The following UNC119 variants were observed in gnomAD, a reference collection of about 807,000 sequenced individuals.
UNC119 encodes unc-119 lipid binding chaperone.
In UNC119, 15 loss-of-function variants were observed where a neutral mutation model predicts 22.6. The observed-to-expected ratio is 0.66, with a 90% CI of 0.44 to 1.02. UNC119 has a LOEUF of 1.02. Ranked by LOEUF, UNC119 falls within the 50% of genes least tolerant of loss-of-function variation. The pLI is 0.00. For synonymous variants in UNC119, 138 were observed against 139.4 expected, an observed-to-expected ratio of 0.99 and a Z score of 0.07; for missense variants, 322 against 336.0, an observed-to-expected ratio of 0.96 and a Z score of 0.33.
At chr17:28,547,975 A>C in intron 3 of UNC119, 24 bp downstream of exon 3, 1 of 1,613,366 alleles carries the variant, frequency 6.2e-7, no homozygotes, top group Non-Finnish European at 8.5e-7. Context: ...CACCCCCACC[A>C]CCACCCATAG....
At chr17:28,547,968 C>G (rs1346193352) in intron 3 of UNC119, 31 bp downstream of exon 3, 1 of 1,613,640 alleles carries the variant, frequency 6.2e-7, no homozygotes, top group Non-Finnish European at 8.5e-7. Flanking sequence ...TCTCCCTCAC[C>G]CCCACCACCA....
rs1214102456 is a variant in UNC119 at position 28,547,046 on chromosome 17, G to A, written c.*251C>T. 1.9e-5 allele frequency: 9 copies of A among 485,024 alleles called. No homozygotes were observed. The highest frequency in any genetic ancestry group is 3.0e-5 in the Non-Finnish European group (8 of 263,268). 30.0% of individuals were successfully genotyped at this position (485,024 alleles called of 1,614,324 possible). ...GCTAAGTTGTCCGGAAGTCCTGACT[G>A]CTCCTCTCACAGGCCTTCCTAGACG... is the stretch of plus-strand genomic sequence containing the variant. On this transcript the variant is annotated 3_prime_UTR_variant, in exon 5 of 5. Transcript: ENST00000335765.
chr17:28,550,163 T>C (rs2070255400), intron 1 of UNC119: 1 of 152,078 alleles, frequency 6.6e-6, no homozygotes, highest in South Asian at 2.1e-4. Flanking sequence ...GGGGAGAGAA[T>C]GGAAGTGGGC....
At chr17:28,548,518 C>A in intron 2 of UNC119, 74 bp downstream of exon 2, 1 of 1,310,616 alleles carries the variant, frequency 7.6e-7, no homozygotes, top group Non-Finnish European at 1.1e-6. Context: ...CCTCTGTGGC[C>A]CAAGGATTCC....
chr17:28,547,593 C>G, intron 4 of UNC119, 84 bp downstream of exon 4: 1 of 1,611,920 alleles, frequency 6.2e-7, no homozygotes, highest in Non-Finnish European at 8.5e-7. Flanking sequence ...GAAATGGGAT[C>G]AGACCCACAA....
chr17:28,552,041 G>T, intron 1 of UNC119: 1 of 611,150 alleles, frequency 1.6e-6, no homozygotes, highest in Non-Finnish European at 3.1e-6. Flanking sequence ...ACAGGGCTAT[G>T]GTTGCAGCTG....
At chr17:28,550,179 C>T (rs1474433023) in intron 1 of UNC119, 1 of 152,344 alleles carries the variant, frequency 6.6e-6, no homozygotes, top group Non-Finnish European at 1.5e-5. Context: ...TGGGCAACCC[C>T]TATCTCACCC....
Position 28,552,582 on chromosome 17 carries a change from T to G in UNC119, c.-25A>C. Reference sequence around the variant, plus strand: ...TGGCCTTGCGGGGCCGAGGCTCGCCTGCTGCTGCCGCCGCTGCCTGCGCCG... The same window carrying G: ...TGGCCTTGCGGGGCCGAGGCTCGCCGGCTGCTGCCGCCGCTGCCTGCGCCG... On this transcript the variant is annotated 5_prime_UTR_variant, in exon 1 of 5. Coordinates refer to ENST00000335765, the MANE Select transcript of UNC119 (RefSeq NM_005148.4). The G allele has an allele frequency of 6.7e-7, 1 of 1,485,492 alleles. No homozygotes were observed. The allele number at this position is 1,485,492 out of a possible 1,614,324, so 92.0% of individuals were successfully genotyped here. A position where few individuals can be genotyped will look rare whatever the true frequency, so the allele number is the denominator to read the frequency against.
intron 1 of UNC119, chr17:28,552,069 A>G (rs2151509639): frequency 3.0e-6 from 2 of 657,098 alleles, no homozygotes; most frequent in Non-Finnish European, 5.8e-6. Context: ...ACGTACCTCC[A>G]CGCTGGGAAA....
chr17:28,550,352 C>T (rs2070257434), intron 1 of UNC119: 1 of 152,236 alleles, frequency 6.6e-6, no homozygotes. Context: ...CTTTTGGAGC[C>T]TCTCTCATTT....
intron 1 of UNC119, chr17:28,551,948 G>A (rs1037889239): frequency 5.6e-6 from 2 of 354,736 alleles, no homozygotes; most frequent in Non-Finnish European, 1.1e-5. Flanking sequence ...CCTCCAGCGT[G>A]GGGGCTGAGG....
chr17:28,548,843 TGCC>T, intron 1 of UNC119, 138 bp from the exon 2 acceptor site: 1 of 669,778 alleles, frequency 1.5e-6, no homozygotes, highest in Non-Finnish European at 2.6e-6. Context: ...CCTCAGTCCC[TGCC>T]CTTGGGGTAC....
chr17:28,548,695 G>A lies in UNC119; in HGVS notation c.231C>T (p.Cys77=), dbSNP rs1037207765. Residue 77 remains cysteine (C), a synonymous_variant, in exon 2 of 5, where the codon TGC becomes TGT. Transcript: ENST00000335765. ...TCTTGTAGATATTCTCCTCAGGGGA[G>A]CAGAGGTAGTCTAGGGGAAACAGGC... is the stretch of plus-strand genomic sequence containing the variant. The part of the protein sequence containing the change: ...GLQRITGDYL[C]SPEENIYKID... 6.2e-6 allele frequency: 10 copies of A among 1,613,904 alleles called. No individual in the cohort carries two copies. Among genetic ancestry groups the A allele is most frequent in the Non-Finnish European group, 6.8e-6 (8 of 1,179,810 alleles).
At chr17:28,550,266 G>A (rs1333913144) in intron 1 of UNC119, 1 of 152,252 alleles carries the variant, frequency 6.6e-6, no homozygotes, top group Admixed American at 6.5e-5. Flanking sequence ...GGGAACGGAG[G>A]TGGCAGAGTG....
At chr17:28,550,700 C>G (rs1291991768) in intron 1 of UNC119, 1 of 152,220 alleles carries the variant, frequency 6.6e-6, no homozygotes, top group Non-Finnish European at 1.5e-5. Context: ...GTGGAAATCC[C>G]TGGAACTCTG....
intron 1 of UNC119, 132 bp from the exon 2 acceptor site, chr17:28,548,837 A>T: frequency 1.5e-6 from 1 of 687,554 alleles, no homozygotes; most frequent in Non-Finnish European, 2.5e-6. Flanking sequence ...GAGGGACCTC[A>T]GTCCCTGCCC....
Position 28,547,774 on chromosome 17 carries a change from T to G in UNC119, c.513A>C (p.Leu171=). The change falls in exon 4 of 5, where the codon CTA becomes CTC. Residue 171 remains leucine, a synonymous_variant. Coordinates refer to ENST00000335765, the MANE Select transcript of UNC119 (RefSeq NM_005148.4). ...MIERHYFRNQ[L]LKSFDFHFGF... is the part of the protein sequence containing the mutation. Reference sequence around the variant, plus strand: ...CAAAGTGGAAGTCGAAGCTTTTGAGTAGCTGGTTGCGGAAGTAGTGCCTCT... The same window carrying G: ...CAAAGTGGAAGTCGAAGCTTTTGAGGAGCTGGTTGCGGAAGTAGTGCCTCT... The G allele has an allele frequency of 6.2e-7, 1 of 1,614,140 alleles. No homozygotes were observed. Among genetic ancestry groups the G allele is most frequent in the Non-Finnish European group, 8.5e-7 (1 of 1,180,028 alleles).
Position 28,548,715 on chromosome 17 carries a change from A to G in UNC119, c.221-10T>C. ...GGGGAGCAGAGGTAGTCTAGGGGAA[A>G]CAGGCAGCTGAGCAAGGAAGGGGCC... On this transcript the variant is annotated splice_polypyrimidine_tract_variant and intron_variant, in intron 1 of 4. Coordinates refer to ENST00000335765, the MANE Select transcript of UNC119 (RefSeq NM_005148.4). 1 of 1,611,332 alleles carries G rather than the reference A, an allele frequency of 6.2e-7. No individual in the cohort carries two copies. Among genetic ancestry groups the G allele is most frequent in the Non-Finnish European group, 8.5e-7 (1 of 1,177,704 alleles).
In UNC119 at chr17:28,546,948, G is replaced by T. The variant is rs1189634199; in HGVS notation, c.*349C>A. 1 of 348,430 alleles carries T rather than the reference G, an allele frequency of 2.9e-6. No individual in the cohort carries two copies. Among genetic ancestry groups the T allele is most frequent in the Non-Finnish European group, 5.7e-6 (1 of 176,270 alleles). The allele number at this position is 348,430 out of a possible 1,614,324, so 21.6% of individuals were successfully genotyped here. On this transcript the variant is annotated 3_prime_UTR_variant, in exon 5 of 5. Transcript: ENST00000335765. ...AGGTAGTGGGCAGGGGACAGGGAAT[G>T]GATCCCTGCCTGATCTAGTCACAGC...
Sources: gnomAD v4.1 joint callset for allele counts on GRCh38, gnomAD v4.1.1 for gene constraint, MANE v1.5 for transcripts, NCBI Gene and HGNC (gene_info 2026-07-23, HGNC 2026-07-21) for gene names.